IQSEC3: variants seen among roughly 807,000 people sequenced by gnomAD.
IQSEC3 encodes IQ motif and SEC7 domain-containing protein 3.
IQSEC3 carries 50 observed loss-of-function variants against 105.4 expected under a neutral mutation model. The observed-to-expected ratio is 0.47, with a 90% CI of 0.38 to 0.60. The LOEUF (loss-of-function observed/expected upper bound fraction) is 0.60. Among genes scored for constraint, IQSEC3 ranks in the 20% least tolerant of loss-of-function variants. The pLI, the probability that IQSEC3 is intolerant of heterozygous loss-of-function variation, is 0.00. For synonymous variants in IQSEC3, 708 were observed against 746.0 expected (o/e 0.95, Z 0.83); for missense variants, 1,415 against 1,630.0 (o/e 0.87, Z 2.27).
At chr12:107,950 G>C (rs1864737215) in intron 2 of IQSEC3, among the ~76,000 whole-genome samples, 1 of 152,146 alleles carries the variant, frequency 6.6e-6, no homozygotes, top group Non-Finnish European at 1.5e-5. Flanking sequence ...CAGTTTGAGT[G>C]GCCCTATCTT....
At chr12:148,340 C>T (rs782654304) in intron 5 of IQSEC3, 1 of 152,170 alleles carries the variant, frequency 6.6e-6, no homozygotes, top group Non-Finnish European at 1.5e-5. Flanking sequence ...CTAATAAACC[C>T]GCCACGCAAT....
At chr12:78,012 C>G (rs1245183029) in intron 1 of IQSEC3, among the ~76,000 whole-genome samples, 1 of 151,486 alleles carries the variant, frequency 6.6e-6, no homozygotes, top group African/African-American at 2.4e-5. Flanking sequence ...ACCTGCACCC[C>G]GGCGCGGGGA....
rs144054904 is a variant in IQSEC3 at position 120,107 on chromosome 12, C to T, written c.624-5526C>T. On this transcript the variant is annotated intron_variant, in intron 2 of 13. Coordinates refer to ENST00000538872, the MANE Select transcript of IQSEC3 (RefSeq NM_001170738.2). ...TGTGATAAAAAGGTGCACATGGCAC[C>T]GTCTGGTGGAGGAGAGAGACACATC... 3.2e-3 allele frequency among the ~76,000 whole-genome samples: 492 copies of T among 152,354 alleles called. 1 individual carries two copies. The highest frequency in any genetic ancestry group is 0.011 in the African/African-American group (470 of 41,582).
chr12:137,806 G>A (rs1002370247), intron 3 of IQSEC3, among the ~76,000 whole-genome samples: 1 of 150,974 alleles, frequency 6.6e-6, no homozygotes, highest in Non-Finnish European at 1.5e-5. Context: ...AGGCGTGCGC[G>A]CACCAGGACA....
At chr12:160,517 T>C (rs1866851956) in intron 7 of IQSEC3, among the ~76,000 whole-genome samples, 1 of 152,180 alleles carries the variant, frequency 6.6e-6, no homozygotes, top group Non-Finnish European at 1.5e-5. Context: ...GGTTAATATA[T>C]AGGTTATCAA....
chr12:124,561 G>T (rs1219049037), intron 2 of IQSEC3, among the ~76,000 whole-genome samples: 1 of 152,312 alleles, frequency 6.6e-6, no homozygotes, highest in African/African-American at 2.4e-5. Flanking sequence ...CAGAGGAAAA[G>T]CCAGTTGCCC....
chr12:94,967 T>G (rs1248601502), intron 1 of IQSEC3, among the ~76,000 whole-genome samples: 1 of 151,614 alleles, frequency 6.6e-6, no homozygotes, highest in Non-Finnish European at 1.5e-5. Flanking sequence ...ACTGGGGGTG[T>G]AGGCTCTCCA....
intron 1 of IQSEC3, 37 bp downstream of exon 1, chr12:67,473 G>T (rs1174241245): frequency 1.3e-6 from 2 of 1,594,494 alleles, no homozygotes; most frequent in Admixed American, 1.7e-5. Context: ...GTTGTGGTGG[G>T]AGCAAGGGAA....
At chr12:170,492 G>A (rs1490283840) in intron 12 of IQSEC3, among the ~76,000 whole-genome samples, 1 of 152,260 alleles carries the variant, frequency 6.6e-6, no homozygotes, top group East Asian at 1.9e-4. Flanking sequence ...ACCCCCAGGG[G>A]TTGGGAAATG....
chr12:154,724 C>T (rs782049534), intron 5 of IQSEC3, among the ~76,000 whole-genome samples: 1 of 152,176 alleles, frequency 6.6e-6, no homozygotes, highest in Non-Finnish European at 1.5e-5. Flanking sequence ...TTCCTCTTCC[C>T]CTCCTGTCCC....
At chr12:171,304 AT>A in intron 13 of IQSEC3, 143 bp downstream of exon 13, 1 of 1,614,094 alleles carries the variant, frequency 6.2e-7, no homozygotes, top group Non-Finnish European at 8.5e-7. Flanking sequence ...AAGAGATACA[AT>A]TAAAAGTTAC....
intron 2 of IQSEC3, among the ~76,000 whole-genome samples, chr12:101,264 A>G (rs1300765128): frequency 6.6e-6 from 1 of 152,144 alleles, no homozygotes; most frequent in African/African-American, 2.4e-5. Flanking sequence ...AAGGAGTGGG[A>G]GAGAGGCGGC....
intron 2 of IQSEC3, 56 bp downstream of exon 2, chr12:99,270 C>A: frequency 6.6e-7 from 1 of 1,507,244 alleles, no homozygotes; most frequent in Non-Finnish European, 9.0e-7. Flanking sequence ...CCTGTTACAA[C>A]AAAGCACGTA....
At chr12:161,669 T>G (rs1433318183) in intron 7 of IQSEC3, among the ~76,000 whole-genome samples, 2 of 152,026 alleles carry the variant, frequency 1.3e-5, no homozygotes, top group East Asian at 3.8e-4. Flanking sequence ...GAGGTGGGCG[T>G]GAAGACTCTG....
rs1205712809 is a variant in IQSEC3 at position 157,417 on chromosome 12, C to G, written c.2277-111C>G. The G allele has an allele frequency of 4.6e-6, 6 of 1,290,912 alleles. No individual in the cohort carries two copies. In the East Asian group the frequency reaches 1.5e-4, roughly 33 times the overall value. The allele number at this position is 1,290,912 out of a possible 1,614,324, so 80.0% of individuals were successfully genotyped here. A position where few individuals can be genotyped will look rare whatever the true frequency, so the allele number is the denominator to read the frequency against. Reference sequence around the variant, plus strand: ...TGGGACAGACACTGGTCTCCCTGGACCTAAAGCCTTCGGAGAGCTGGGATA... The same window carrying G: ...TGGGACAGACACTGGTCTCCCTGGAGCTAAAGCCTTCGGAGAGCTGGGATA... On this transcript the variant is annotated intron_variant, in intron 6 of 13. Coordinates refer to ENST00000538872, the MANE Select transcript of IQSEC3 (RefSeq NM_001170738.2).
chr12:103,867 C>CAGGG lies in IQSEC3; in HGVS notation c.623+4653_623+4654insAGGG. On this transcript the variant is annotated intron_variant, in intron 2 of 13. Coordinates refer to ENST00000538872, the MANE Select transcript of IQSEC3 (RefSeq NM_001170738.2). ...GTGGAGTTCATGAGGGGAGGCGGCT[C>CAGGG]GGGAGGGGAGGCGGGGGCTCGGGAG... 1.0e-4 allele frequency among the ~76,000 whole-genome samples: 2 copies of CAGGG among 19,664 alleles called. 1 individual carries two copies. The highest frequency in any genetic ancestry group is 2.1e-4 in the Non-Finnish European group (2 of 9,534). The allele number at this position is 19,664 out of a possible 152,430, so 12.9% of individuals were successfully genotyped here. A position where few individuals can be genotyped will look rare whatever the true frequency, so the allele number is the denominator to read the frequency against.
At position 154,275 on chromosome 12, in the gene IQSEC3, G is replaced by A. The variant is rs921595952; in HGVS notation, c.2154-2750G>A. 1.0e-4 allele frequency among the ~76,000 whole-genome samples: 15 copies of A among 147,966 alleles called. No individual in the cohort carries two copies. The South Asian group carries it at 1.1e-3, about 11-fold the overall frequency. On this transcript the variant is annotated intron_variant, in intron 5 of 13. Transcript: ENST00000538872. ...GTGAAGGGCTGGAAACTAGGCCATC[G>A]TGCTTGGCTGGGCAGATGCCACCCT...
At chr12:89,127 G>A (rs1385570440) in intron 1 of IQSEC3, among the ~76,000 whole-genome samples, 1 of 152,060 alleles carries the variant, frequency 6.6e-6, no homozygotes, top group African/African-American at 2.4e-5. Flanking sequence ...ACCTTCTAGG[G>A]ACTCTCAGTC....
At chr12:81,663 G>A (rs568818226) in intron 1 of IQSEC3, among the ~76,000 whole-genome samples, 11 of 152,304 alleles carry the variant, frequency 7.2e-5, no homozygotes, top group African/African-American at 2.6e-4. Context: ...GCTCTTAGAT[G>A]TTTGAGAGGA....
Sources: gnomAD v4.1 joint callset for allele counts (sites outside exome capture counted in the v4.1 genomes callset) on GRCh38, gnomAD v4.1.1 for gene constraint, MANE v1.5 for transcripts, NCBI Gene and HGNC (gene_info 2026-07-23, HGNC 2026-07-21) for gene names.